The following AKAP7 variants were observed in gnomAD, a reference collection of about 807,000 sequenced individuals.
AKAP7 encodes A-kinase anchoring protein 7.
Under a neutral mutation model 39.5 loss-of-function variants are expected in AKAP7, and 39 were observed. That is an observed-to-expected ratio of 0.99 (90% CI 0.76 to 1.29). The LOEUF (loss-of-function observed/expected upper bound fraction) is 1.29. Among genes scored for constraint, AKAP7 ranks in the 50% most tolerant of loss-of-function variants. The probability of loss-of-function intolerance (pLI) is 0.00; values close to 1 mark genes in which losing one functional copy is unlikely to be tolerated. For synonymous variants in AKAP7, 140 were observed against 139.1 expected (o/e 1.01, Z -0.05); for missense variants, 414 against 407.7 (o/e 1.02, Z -0.13).
intron 6 of AKAP7, among the ~76,000 whole-genome samples, chr6:131,212,298 T>C (rs1300706811): frequency 2.0e-5 from 3 of 152,256 alleles, no homozygotes; most frequent in East Asian, 1.9e-4. Context: ...TAGCCATGTG[T>C]GTCATACTTA....
intron 2 of AKAP7, among the ~76,000 whole-genome samples, chr6:131,146,619 C>T (rs1027641158): frequency 1.3e-5 from 2 of 152,174 alleles, no homozygotes; most frequent in Admixed American, 6.5e-5. Flanking sequence ...TGTTTATTGA[C>T]TACATACTCT....
At chr6:131,229,318 A>T (rs1003783653) in intron 7 of AKAP7, among the ~76,000 whole-genome samples, 1 of 152,162 alleles carries the variant, frequency 6.6e-6, no homozygotes, top group African/African-American at 2.4e-5. Context: ...ACACAGTAGG[A>T]TAATGAACTT....
Position 131,160,112 on chromosome 6 carries a change from A to G in AKAP7, c.205A>G (p.Lys69Glu). The change falls in exon 3 of 8, where the codon AAG becomes GAG. Residue 69 changes from lysine to glutamate, a missense_variant. Lys to Glu is a moderately conservative substitution (Grantham distance 56). Transcript: ENST00000431975. ...LKRSQENEWV[K>E]SDQVKKRKKK... ...GAGAAGTCAAGAAAATGAATGGGTC[A>G]AGAGTGATCAAGTAAAGAAGAGGAA... 6.2e-7 allele frequency: 1 copy of G among 1,611,822 alleles called. No individual in the cohort carries two copies. The highest frequency in any genetic ancestry group is 8.5e-7 in the Non-Finnish European group (1 of 1,179,370).
chr6:131,224,094 C>T (rs1023949043), intron 7 of AKAP7, among the ~76,000 whole-genome samples: 1 of 152,080 alleles, frequency 6.6e-6, no homozygotes, highest in Admixed American at 6.6e-5. Flanking sequence ...ATGATTTTTG[C>T]TTATTACAAA....
chr6:131,162,436 G>A (rs549296566), intron 3 of AKAP7, among the ~76,000 whole-genome samples: 3 of 152,318 alleles, frequency 2.0e-5, no homozygotes, highest in Non-Finnish European at 2.9e-5. Flanking sequence ...CACAGACTCC[G>A]CTGCATGTGC....
At chr6:131,165,268 A>G (rs2128241255) in intron 4 of AKAP7, 51 bp downstream of exon 4, 3 of 1,403,116 alleles carry the variant, frequency 2.1e-6, no homozygotes, top group Non-Finnish European at 3.0e-6. Flanking sequence ...TTACTTTAAT[A>G]TGAGTAAGCA....
At chr6:131,140,331 G>A (rs143127187) in intron 1 of AKAP7, among the ~76,000 whole-genome samples, 199 of 152,036 alleles carry the variant, frequency 1.3e-3, no homozygotes, top group African/African-American at 4.1e-3. Flanking sequence ...CATTGTTACC[G>A]TGTGATTCTC....
At chr6:131,198,185 C>G (rs1468592011) in intron 5 of AKAP7, among the ~76,000 whole-genome samples, 1 of 152,188 alleles carries the variant, frequency 6.6e-6, no homozygotes, top group East Asian at 1.9e-4. Flanking sequence ...TCCTAACACT[C>G]AGCTTTTCTC....
At chr6:131,260,851 A>G (rs1171193342) in intron 7 of AKAP7, among the ~76,000 whole-genome samples, 1 of 152,168 alleles carries the variant, frequency 6.6e-6, no homozygotes, top group East Asian at 1.9e-4. Context: ...CAAAATTTTC[A>G]TGAAAAAATG....
intron 1 of AKAP7, among the ~76,000 whole-genome samples, chr6:131,138,305 G>T (rs1051267236): frequency 1.3e-5 from 2 of 152,092 alleles, no homozygotes; most frequent in Non-Finnish European, 2.9e-5. Flanking sequence ...TTATTCTTTT[G>T]TATGGCTGAA....
intron 6 of AKAP7, among the ~76,000 whole-genome samples, chr6:131,211,503 C>T (rs547708333): frequency 7.9e-5 from 12 of 152,024 alleles, no homozygotes; most frequent in South Asian, 2.1e-4. Context: ...CGGTGGCTCA[C>T]GCCTGTAATC....
chr6:131,154,226 C>T (rs1235408156), intron 2 of AKAP7, among the ~76,000 whole-genome samples: 1 of 152,012 alleles, frequency 6.6e-6, no homozygotes, highest in African/African-American at 2.4e-5. Flanking sequence ...AAAAAGTGTT[C>T]TTTATCATCT....
intron 7 of AKAP7, among the ~76,000 whole-genome samples, chr6:131,256,319 T>C (rs766556850): frequency 1.1e-4 from 16 of 152,216 alleles, no homozygotes; most frequent in Non-Finnish European, 1.9e-4. Context: ...GAGGCTTATG[T>C]TTCTAAAATC....
At chr6:131,181,631 T>C (rs1746469) in intron 5 of AKAP7, among the ~76,000 whole-genome samples, 43,991 of 152,076 alleles carry the variant, frequency 0.29, 6,762 homozygotes, top group Non-Finnish European at 0.34. Context: ...ATTCTCAGCT[T>C]CTTGATTCTT....
chr6:131,162,498 A>T (rs1803070193), intron 3 of AKAP7, among the ~76,000 whole-genome samples: 2 of 152,182 alleles, frequency 1.3e-5, no homozygotes, highest in African/African-American at 4.8e-5. Context: ...GTGTAAAATG[A>T]GGTGGGTGAT....
chr6:131,133,518 T>C (rs1800372034), upstream of AKAP7, among the ~76,000 whole-genome samples: 1 of 152,228 alleles, frequency 6.6e-6, no homozygotes, highest in Admixed American at 6.5e-5. Context: ...AAAATGTTCC[T>C]CCACATGGTA....
At chr6:131,214,040 A>G (rs1452305125) in intron 6 of AKAP7, among the ~76,000 whole-genome samples, 1 of 151,664 alleles carries the variant, frequency 6.6e-6, no homozygotes, top group Non-Finnish European at 1.5e-5. Context: ...CACCTCCTGG[A>G]ATGACACATT....
rs139676231 is a variant in AKAP7 at position 131,170,963 on chromosome 6, G to A, written c.589+1690G>A. Among the ~76,000 whole-genome samples the A allele has an allele frequency of 3.9e-3, 598 of 152,234 alleles. 4 individuals are homozygous for A. Among genetic ancestry groups the A allele is most frequent in the African/African-American group, 0.014 (572 of 41,544 alleles). On this transcript the variant is annotated intron_variant, in intron 5 of 7. Transcript: ENST00000431975. ...CGTTTTACATAACAGCATTTCAATTGGGTTGCAAATGTGAAATTCACTATT... is the reference window on the plus strand; with the variant it reads ...CGTTTTACATAACAGCATTTCAATTAGGTTGCAAATGTGAAATTCACTATT...
upstream of AKAP7, among the ~76,000 whole-genome samples, chr6:131,135,217 C>T (rs953604009): frequency 3.9e-5 from 6 of 152,236 alleles, no homozygotes; most frequent in African/African-American, 1.4e-4. Flanking sequence ...TCATCCTAGT[C>T]CCAATCTCGC....
Sources: allele counts gnomAD v4.1 joint callset (sites outside exome capture counted in the v4.1 genomes callset), GRCh38; gene constraint gnomAD v4.1.1; transcripts MANE v1.5; gene names NCBI Gene and HGNC (gene_info 2026-07-23, HGNC 2026-07-21).